LMTK2: variants seen among roughly 807,000 people sequenced by gnomAD.
LMTK2 encodes the protein lemur tail kinase 2.
A neutral mutation model predicts 127.5 loss-of-function variants in LMTK2; 37 were observed. The ratio of observed to expected loss-of-function variants is 0.29; its 90% CI spans 0.22 to 0.38. The LOEUF is 0.38. LMTK2 is among the 10% of genes least tolerant of loss of function. The pLI, the probability that LMTK2 is intolerant of heterozygous loss-of-function variation, is 1.00. For missense variants in LMTK2, 1,694 were observed against 1,920.3 expected, an observed-to-expected ratio of 0.88 and a Z score of 2.20; for synonymous variants, 819 against 810.1, an observed-to-expected ratio of 1.01 and a Z score of -0.19.
In LMTK2 at chr7:98,192,363, A is replaced by G; in HGVS notation, c.1898A>G (p.Asn633Ser). 6.3e-7 allele frequency: 1 copy of G among 1,596,156 alleles called. No homozygotes were observed. Among genetic ancestry groups the G allele is most frequent in the Non-Finnish European group, 8.5e-7 (1 of 1,174,644 alleles). ...HVTSGPESPF[N>S]NIFNDVDKSE... ...ACCAGTGGCCCCGAGAGCCCTTTCA[A>G]CAATATATTTAATGATGTGGACAAA... Residue 633 changes from asparagine to serine, a missense_variant, in exon 11 of 14, where the codon AAC (asparagine) becomes AGC (serine). Asn to Ser is a conservative substitution (Grantham distance 46). Transcript: ENST00000297293.
rs1360328780 is a variant in LMTK2, at chr7:98,204,136, T to G, written c.4433T>G (p.Ile1478Ser). ...YSRFSISPANIASFSLTHLTD... is the reference protein window; with the variant it reads ...YSRFSISPANSASFSLTHLTD... The stretch of plus-strand genomic sequence containing the variant: ...CGGTTCTCCATCTCTCCCGCCAACA[T>G]TGCCAGCTTTTCCCTCACACACCTG... Residue 1478 changes from isoleucine (I) to serine (S), a missense_variant, in exon 13 of 14, where the codon ATT becomes AGT. Ile to Ser is a moderately radical substitution (Grantham distance 142). Around this residue, in one of 8 missense-constraint regions of LMTK2, gnomAD observed 554 missense variants for 567.7 expected, o/e 0.98. Transcript: ENST00000297293. 2 of 1,611,170 alleles carry G rather than the reference T, an allele frequency of 1.2e-6. No individual in the cohort carries two copies. The highest frequency in any genetic ancestry group is 2.2e-5 in the East Asian group (1 of 44,876).
At position 98,193,926 on chromosome 7, in the gene LMTK2, A is replaced by G. The variant is rs1339987173; in HGVS notation, c.3461A>G (p.Glu1154Gly). The change falls in exon 11 of 14, where the codon GAA (glutamate) becomes GGA (glycine). Residue 1154 changes from glutamate (E) to glycine (G), a missense_variant. By Grantham distance (98) the Glu-to-Gly change is moderately conservative. This residue lies in a region of LMTK2 where 554 missense variants were observed against 567.7 expected (regional missense o/e 0.98). Coordinates refer to ENST00000297293, the MANE Select transcript of LMTK2 (RefSeq NM_014916.4). The surrounding 1 kb of genome is among the most constrained non-coding windows in gnomAD (Gnocchi z 4.1). ...QSPAAQDSCL[E>G]ARKSQPDESC... Reference sequence around the variant, plus strand: ...CCTGCTGCCCAGGATAGCTGCCTGGAAGCCAGAAAGAGCCAGCCAGATGAA... The same window carrying G: ...CCTGCTGCCCAGGATAGCTGCCTGGGAGCCAGAAAGAGCCAGCCAGATGAA... 1 of 1,614,122 alleles carries G rather than the reference A, an allele frequency of 6.2e-7. No homozygotes were observed. Among genetic ancestry groups the G allele is most frequent in the Non-Finnish European group, 8.5e-7 (1 of 1,180,036 alleles).
At chr7:98,156,663 C>T (rs1584268468) in intron 5 of LMTK2, among the ~76,000 whole-genome samples, 1 of 152,248 alleles carries the variant, frequency 6.6e-6, no homozygotes, top group African/African-American at 2.4e-5. Context: ...TAGCATTCTC[C>T]AGAGGAACAG....
At chr7:98,190,689 T>C in intron 9 of LMTK2, 39 bp from the exon 10 acceptor site, 1 of 1,611,124 alleles carries the variant, frequency 6.2e-7, no homozygotes, top group Non-Finnish European at 8.5e-7. Context: ...ATTTGACATC[T>C]AAAGGGAGAG....
At chr7:98,147,739 C>T (rs1185201958) in intron 3 of LMTK2, among the ~76,000 whole-genome samples, 3 of 152,142 alleles carry the variant, frequency 2.0e-5, no homozygotes, top group African/African-American at 7.2e-5. Flanking sequence ...TTTAAATTCA[C>T]TGATTCTGTC....
intron 11 of LMTK2, among the ~76,000 whole-genome samples, chr7:98,197,086 A>G (rs1797632685): frequency 6.6e-6 from 1 of 152,196 alleles, no homozygotes; most frequent in South Asian, 2.1e-4. Context: ...TGTTCATGGG[A>G]TTGGGCAGCA....
chr7:98,203,698 A>C lies in LMTK2; in HGVS notation c.4232A>C (p.Asp1411Ala), dbSNP rs1797743366. ...TGCATCAACTCCGAAAGCTCCACCG[A>C]CGAAGAAGGTATTTCACGTCATTGT... is the stretch of plus-strand genomic sequence containing the variant. ...SRCINSESST[D>A]EEGGGFEWDD... The change falls in exon 12 of 14, where the codon GAC (aspartate) becomes GCC (alanine). Residue 1411 changes from aspartate (D) to alanine (A), a missense_variant. Around this residue, in one of 8 missense-constraint regions of LMTK2, gnomAD observed 554 missense variants for 567.7 expected, o/e 0.98. Coordinates refer to ENST00000297293, the MANE Select transcript of LMTK2 (RefSeq NM_014916.4). 5 of 1,613,748 alleles carry C rather than the reference A, an allele frequency of 3.1e-6. No individual in the cohort carries two copies. Among genetic ancestry groups the C allele is most frequent in the Non-Finnish European group, 4.2e-6 (5 of 1,179,956 alleles).
At chr7:98,167,305 C>T (rs561221106) in intron 6 of LMTK2, among the ~76,000 whole-genome samples, 19 of 152,204 alleles carry the variant, frequency 1.2e-4, no homozygotes, top group Non-Finnish European at 2.5e-4. Context: ...GGAGTCCTAG[C>T]CATGTCTAGC....
At chr7:98,110,130 A>G (rs1331198272) in intron 1 of LMTK2, among the ~76,000 whole-genome samples, 3 of 152,136 alleles carry the variant, frequency 2.0e-5, no homozygotes, top group African/African-American at 7.2e-5. Flanking sequence ...CAGTCTATCC[A>G]GTTTAATGGT....
At chr7:98,117,651 C>T (rs927238976) in intron 1 of LMTK2, among the ~76,000 whole-genome samples, 1 of 152,126 alleles carries the variant, frequency 6.6e-6, no homozygotes, top group Non-Finnish European at 1.5e-5. Flanking sequence ...TCTGGTTCCT[C>T]TGATTGGAGA....
chr7:98,128,011 G>C (rs1310516394), intron 1 of LMTK2, among the ~76,000 whole-genome samples: 2 of 152,154 alleles, frequency 1.3e-5, no homozygotes, highest in Non-Finnish European at 2.9e-5. Context: ...GGGTGCGGTA[G>C]CAGGTGCCTA....
chr7:98,123,148 T>C (rs1260009183), intron 1 of LMTK2, among the ~76,000 whole-genome samples: 2 of 152,242 alleles, frequency 1.3e-5, no homozygotes, highest in Non-Finnish European at 2.9e-5. Context: ...GCAGCTCTTT[T>C]AGCCACATTG....
chr7:98,128,234 T>G (rs1486145810), intron 1 of LMTK2, among the ~76,000 whole-genome samples: 2 of 152,242 alleles, frequency 1.3e-5, no homozygotes, highest in Non-Finnish European at 2.9e-5. Flanking sequence ...CCCCTCCATG[T>G]ACCTCAAACT....
At chr7:98,196,190 A>AG (rs1797620079) in intron 11 of LMTK2, among the ~76,000 whole-genome samples, 1 of 139,912 alleles carries the variant, frequency 7.1e-6, no homozygotes, top group Non-Finnish European at 1.6e-5. Context: ...CCTGTCTCAG[A>AG]AAAAAAAAAA....
intron 1 of LMTK2, among the ~76,000 whole-genome samples, chr7:98,107,863 A>G (rs936131622): frequency 2.6e-5 from 4 of 152,138 alleles, no homozygotes; most frequent in Non-Finnish European, 4.4e-5. Flanking sequence ...GCGTTGAATA[A>G]CTATTGACAA....
In LMTK2 at chr7:98,209,415, T is replaced by C. The variant is rs945896098; in HGVS notation, c.*3923T>C. ...CGGATTCCGTCTGCAGAGGAGGACG[T>C]AGGGGGCCGTCACACCCACCAGGCC... On this transcript the variant is annotated 3_prime_UTR_variant, in exon 14 of 14. Coordinates refer to ENST00000297293, the MANE Select transcript of LMTK2 (RefSeq NM_014916.4). 1 of 152,162 alleles carries C rather than the reference T, an allele frequency of 6.6e-6. No individual in the cohort carries two copies. The highest frequency in any genetic ancestry group is 2.4e-5 in the African/African-American group (1 of 41,436). The allele number at this position is 152,162 out of a possible 1,614,324, so 9.4% of individuals were successfully genotyped here. A position where few individuals can be genotyped will look rare whatever the true frequency, so the allele number is the denominator to read the frequency against.
chr7:98,143,999 A>G (rs1197277056), intron 3 of LMTK2, among the ~76,000 whole-genome samples: 1 of 152,254 alleles, frequency 6.6e-6, no homozygotes, highest in African/African-American at 2.4e-5. Context: ...GTGATATAGT[A>G]CATGAAAAAG....
chr7:98,123,095 G>T (rs557911924), intron 1 of LMTK2, among the ~76,000 whole-genome samples: 1 of 151,868 alleles, frequency 6.6e-6, no homozygotes, highest in African/African-American at 2.4e-5. Context: ...GTCCTGTCCC[G>T]TTCCTCCCCA....
intron 1 of LMTK2, among the ~76,000 whole-genome samples, chr7:98,126,985 G>A (rs1796453893): frequency 6.6e-6 from 1 of 152,146 alleles, no homozygotes; most frequent in Non-Finnish European, 1.5e-5. Context: ...GTGTGTGACT[G>A]AGTATATTTA....
Sources: allele counts gnomAD v4.1 joint callset (sites outside exome capture counted in the v4.1 genomes callset), GRCh38; gene constraint gnomAD v4.1.1; regional missense constraint gnomAD v4.1.1; non-coding constraint Gnocchi (gnomAD v3.1); transcripts MANE v1.5; gene names NCBI Gene and HGNC (gene_info 2026-07-23, HGNC 2026-07-21).